Variants in FLVCR2 observed in about 807,000 individuals in gnomAD.
FLVCR2 encodes FLVCR choline and putative heme transporter 2, also known as choline/ethanolamine transporter FLVCR2.
A neutral mutation model predicts 48.9 loss-of-function variants in FLVCR2; 38 were observed. That is an observed-to-expected ratio of 0.78 (90% CI 0.60 to 1.02). The LOEUF is 1.02. Among genes scored for constraint, FLVCR2 ranks in the 50% least tolerant of loss-of-function variants. FLVCR2 has a pLI of 0.00. For missense variants in FLVCR2, 664 were observed against 663.3 expected (o/e 1.00, Z -0.01); for synonymous variants, 255 against 257.0 (o/e 0.99, Z 0.07).
intron 1 of FLVCR2, among the ~76,000 whole-genome samples, chr14:75,608,567 T>C (rs1054790624): frequency 1.3e-5 from 2 of 152,158 alleles, no homozygotes; most frequent in Admixed American, 6.5e-5. Context: ...AGAAGTTTTA[T>C]CCTGAGGGCA....
intron 8 of FLVCR2, 121 bp downstream of exon 8, chr14:75,641,414 A>G: frequency 1.4e-6 from 1 of 732,464 alleles, no homozygotes; most frequent in African/African-American, 1.7e-5. Flanking sequence ...TTTGTTGGGG[A>G]ATCTGTTGGG....
chr14:75,604,226 A>C (rs1480216539), intron 1 of FLVCR2: 1 of 152,224 alleles, frequency 6.6e-6, no homozygotes, highest in Admixed American at 6.5e-5. Context: ...CTCGGAAGCT[A>C]AGCAGGGTCG....
At chr14:75,602,834 G>A (rs1428403128) in intron 1 of FLVCR2, among the ~76,000 whole-genome samples, 1 of 152,150 alleles carries the variant, frequency 6.6e-6, no homozygotes, top group Non-Finnish European at 1.5e-5. Context: ...CAACAATTGT[G>A]TATATTTAAC....
At chr14:75,631,895 C>T (rs949358119) in intron 3 of FLVCR2, 81 of 454,394 alleles carry the variant, frequency 1.8e-4, no homozygotes, top group Middle Eastern at 1.0e-3. Flanking sequence ...ATGATCATTG[C>T]AACCATCAGC....
Position 75,640,957 on chromosome 14 carries a change from T to A in FLVCR2, c.1238T>A (p.Phe413Tyr), listed in dbSNP as rs1208081739. The change falls in exon 7 of 10, where the codon TTC becomes TAC. Residue 413 changes from phenylalanine to tyrosine, a missense_variant and splice_region_variant. Coordinates refer to ENST00000238667, the MANE Select transcript of FLVCR2 (RefSeq NM_017791.3). The part of the protein sequence containing the change: ...VVFITAGTMG[F>Y]FMTGYLPLGF... ...TGTTTCTCTGGTCTGGTCTTCAGCT[T>A]CTTTATGACTGGCTATCTCCCACTG... is the stretch of plus-strand genomic sequence containing the variant. 4 of 1,612,532 alleles carry A rather than the reference T, an allele frequency of 2.5e-6. No homozygotes were observed. The highest frequency in any genetic ancestry group is 3.4e-6 in the Non-Finnish European group (4 of 1,178,574).
Position 75,624,649 on chromosome 14 carries a change from C to A in FLVCR2, c.849C>A (p.Ala283=). ...KEKPKYPPSR[A]QSLSYALTSP... Reference sequence around the variant, plus strand: ...AACCTAAATATCCCCCCAGCAGGGCCCAATCCCTGAGCTATGCCTTGACCT... The same window carrying A: ...AACCTAAATATCCCCCCAGCAGGGCACAATCCCTGAGCTATGCCTTGACCT... The change falls in exon 3 of 10, where the codon GCC becomes GCA. Residue 283 remains alanine, a synonymous_variant. Coordinates refer to ENST00000238667, the MANE Select transcript of FLVCR2 (RefSeq NM_017791.3). The A allele has an allele frequency of 6.2e-7, 1 of 1,614,066 alleles. No homozygotes were observed. The highest frequency in any genetic ancestry group is 8.5e-7 in the Non-Finnish European group (1 of 1,180,002).
intron 3 of FLVCR2, 95 bp from the exon 4 acceptor site, chr14:75,633,534 G>T (rs1017917659): frequency 1.0e-6 from 1 of 968,612 alleles, no homozygotes; most frequent in Admixed American, 1.7e-5. Context: ...GTGAGATGAG[G>T]ATTTCTGCCC....
intron 1 of FLVCR2, among the ~76,000 whole-genome samples, chr14:75,596,780 G>GCA (rs1566785016): frequency 1.3e-5 from 1 of 78,084 alleles, no homozygotes; most frequent in Non-Finnish European, 2.6e-5. Flanking sequence ...CTCCTCTTTT[G>GCA]CCCCCCCCCC....
chr14:75,643,938 C>T (rs1362470353), intron 9 of FLVCR2, among the ~76,000 whole-genome samples: 1 of 151,802 alleles, frequency 6.6e-6, no homozygotes, highest in Non-Finnish European at 1.5e-5. Flanking sequence ...AGGCTAGTGT[C>T]GCACGCTTGT....
At chr14:75,633,558 T>TGGG in intron 3 of FLVCR2, 71 bp from the exon 4 acceptor site, 1 of 1,217,704 alleles carries the variant, frequency 8.2e-7, no homozygotes, top group Non-Finnish European at 1.2e-6. Context: ...CCCCAAATGC[T>TGGG]GGGGGAGAAG....
intron 9 of FLVCR2, among the ~76,000 whole-genome samples, chr14:75,644,732 A>G (rs1293610065): frequency 1.3e-5 from 2 of 152,130 alleles, no homozygotes; most frequent in African/African-American, 4.8e-5. Context: ...TACGCACCCC[A>G]TGGCAGCTGG....
rs755659814 is a variant in FLVCR2 at position 75,622,141 on chromosome 14, C to A, written c.732C>A (p.Asp244Glu). The A allele has an allele frequency of 1.9e-6, 3 of 1,613,928 alleles. No homozygotes were observed. The African/African-American group carries it at 4.0e-5, about 22-fold the overall frequency. ...PVLVPNIEDR[D>E]ELAYHISIMF... ...TGGTACCCAACATTGAAGACCGGGA[C>A]GAGCTTGCCTACCACATCAGCATCA... Residue 244 changes from aspartate to glutamate, a missense_variant, in exon 2 of 10, where the codon GAC (aspartate) becomes GAA (glutamate). Asp to Glu is a conservative substitution (Grantham distance 45). Coordinates refer to ENST00000238667, the MANE Select transcript of FLVCR2 (RefSeq NM_017791.3).
intron 1 of FLVCR2, among the ~76,000 whole-genome samples, chr14:75,598,500 C>G (rs1259411201): frequency 5.3e-5 from 8 of 152,116 alleles, no homozygotes; most frequent in Non-Finnish European, 1.2e-4. Context: ...TTTTTAGAGA[C>G]AGAGTCTTGC....
At chr14:75,616,629 G>C (rs1237114332) in intron 1 of FLVCR2, among the ~76,000 whole-genome samples, 1 of 152,212 alleles carries the variant, frequency 6.6e-6, no homozygotes, top group Non-Finnish European at 1.5e-5. Flanking sequence ...TTATGCCCAG[G>C]GGAGAGGAAT....
chr14:75,587,829 A>T (rs1566782523), intron 1 of FLVCR2, among the ~76,000 whole-genome samples: 1 of 152,242 alleles, frequency 6.6e-6, no homozygotes, highest in Admixed American at 6.5e-5. Flanking sequence ...GTCCTAACCC[A>T]GGTGAGAGTC....
intron 5 of FLVCR2, among the ~76,000 whole-genome samples, chr14:75,638,049 T>G (rs1045230065): frequency 6.6e-6 from 1 of 152,170 alleles, no homozygotes; most frequent in Non-Finnish European, 1.5e-5. Flanking sequence ...GTTTCTCACA[T>G]TGGCTTTGGA....
At chr14:75,597,252 A>G (rs10146137) in intron 1 of FLVCR2, among the ~76,000 whole-genome samples, 14,809 of 150,878 alleles carry the variant, frequency 0.098, 1,695 homozygotes, top group African/African-American at 0.28. Flanking sequence ...CTGCACTCCA[A>G]TCTGAGCTAT....
chr14:75,629,159 C>G (rs997027640), intron 3 of FLVCR2, among the ~76,000 whole-genome samples: 1 of 152,100 alleles, frequency 6.6e-6, no homozygotes, highest in Non-Finnish European at 1.5e-5. Flanking sequence ...TGGCTACACT[C>G]TTAGAGGTAG....
intron 1 of FLVCR2, among the ~76,000 whole-genome samples, chr14:75,603,401 T>A (rs1218870168): frequency 2.0e-5 from 3 of 152,192 alleles, no homozygotes; most frequent in African/African-American, 7.2e-5. Flanking sequence ...CAGCGGGACT[T>A]CAGAGAAGAG....
Sources: gnomAD v4.1 joint callset for allele counts (sites outside exome capture counted in the v4.1 genomes callset) on GRCh38, gnomAD v4.1.1 for gene constraint, MANE v1.5 for transcripts, NCBI Gene and HGNC (gene_info 2026-07-23, HGNC 2026-07-21) for gene names.